STRN3: variants seen among roughly 807,000 people sequenced by gnomAD.
The protein encoded by STRN3 is striatin 3.
Under a neutral mutation model 95.6 loss-of-function variants are expected in STRN3, and 29 were observed. The observed-to-expected ratio is 0.30, with a 90% CI of 0.23 to 0.41. STRN3 has a LOEUF of 0.41. STRN3 is among the 10% of genes least tolerant of loss of function. STRN3 has a pLI of 1.00. For missense variants in STRN3, 890 were observed against 972.1 expected, an observed-to-expected ratio of 0.92 and a Z score of 1.12; for synonymous variants, 331 against 357.6, an observed-to-expected ratio of 0.93 and a Z score of 0.84.
chr14:31,009,517 G>C (rs1882870411), intron 1 of STRN3, among the ~76,000 whole-genome samples: 1 of 146,870 alleles, frequency 6.8e-6, no homozygotes, highest in South Asian at 2.1e-4. Flanking sequence ...TTTTGCATTT[G>C]TACGGAAAAA....
rs546715972 is a variant in STRN3, at chr14:30,945,392, C to T, written c.716+1698G>A. On this transcript the variant is annotated intron_variant, in intron 5 of 17. Coordinates refer to ENST00000357479, the MANE Select transcript of STRN3 (RefSeq NM_001083893.2). ...CAGCACTTTGGAAGGCCAATGAGGG[C>T]GGACTGCTTGAGCCCAGGAGTTCAA... is the stretch of plus-strand genomic sequence containing the variant. Among the ~76,000 whole-genome samples the T allele has an allele frequency of 3.3e-5, 5 of 152,176 alleles. No individual in the cohort carries two copies. In the East Asian group the frequency reaches 7.7e-4, roughly 23 times the overall value.
intron 8 of STRN3, among the ~76,000 whole-genome samples, chr14:30,921,004 G>T (rs960256197): frequency 6.6e-6 from 1 of 151,458 alleles, no homozygotes; most frequent in Non-Finnish European, 1.5e-5. Context: ...GGTTACTTCT[G>T]CAGTATTTTG....
chr14:30,911,906 G>C, intron 11 of STRN3, 82 bp from the exon 12 acceptor site: 1 of 1,555,414 alleles, frequency 6.4e-7, no homozygotes, highest in South Asian at 1.2e-5. Context: ...ATAGTCATTA[G>C]ATCAAATGTG....
chr14:30,934,110 T>C (rs557698069), intron 7 of STRN3, among the ~76,000 whole-genome samples: 3 of 152,210 alleles, frequency 2.0e-5, no homozygotes, highest in East Asian at 3.9e-4. Flanking sequence ...CGGATCGCGA[T>C]GTCAAGAGAT....
At chr14:30,951,989 A>G (rs1367655073) in intron 3 of STRN3, among the ~76,000 whole-genome samples, 2 of 152,132 alleles carry the variant, frequency 1.3e-5, no homozygotes, top group Non-Finnish European at 2.9e-5. Context: ...ATGGCGGCAC[A>G]TGCCTGTAAT....
At chr14:31,017,724 C>T (rs1340392230) in intron 1 of STRN3, among the ~76,000 whole-genome samples, 1 of 152,056 alleles carries the variant, frequency 6.6e-6, no homozygotes, top group East Asian at 1.9e-4. Flanking sequence ...CTAAATTTTG[C>T]TGTGAACCTA....
rs764019492 is a variant in STRN3, at chr14:30,895,627, A to G, written c.2224+35T>C. On this transcript the variant is annotated intron_variant, in intron 17 of 17. Transcript: ENST00000357479. ...TTGTTACTGAGTAACAATCTTTTAT[A>G]AAGTTTGTGGGCAGTACAGGACTTT... 5.0e-6 allele frequency: 8 copies of G among 1,610,788 alleles called. No individual in the cohort carries two copies. In the South Asian group the frequency reaches 8.8e-5, roughly 18 times the overall value.
At position 30,935,254 on chromosome 14, in the gene STRN3, C is replaced by T. The variant is rs1878762074; in HGVS notation, c.897G>A (p.Glu299=). 1 of 1,613,966 alleles carries T rather than the reference C, an allele frequency of 6.2e-7. No homozygotes were observed. Among genetic ancestry groups the T allele is most frequent in the South Asian group, 1.1e-5 (1 of 91,092 alleles). Residue 299 remains glutamate, a synonymous_variant, in exon 7 of 18, where the codon GAG becomes GAA. Coordinates refer to ENST00000357479, the MANE Select transcript of STRN3 (RefSeq NM_001083893.2). ...AAAAATCAAATTCTTTCAGTGCTTC[C>T]TCAGTATCAGGATCGTCAGTTAGGT... The part of the protein sequence containing the change: ...AADLTDDPDT[E]EALKEFDFLV...
At position 30,905,502 on chromosome 14, in the gene STRN3, T is replaced by A. The variant is rs772451343; in HGVS notation, c.1945A>T (p.Thr649Ser). 5 of 1,610,172 alleles carry A rather than the reference T, an allele frequency of 3.1e-6. No homozygotes were observed. In the South Asian group the frequency reaches 5.6e-5, roughly 18 times the overall value. ...FIGCDPAHMV[T>S]SFNTGSAVIY... is the part of the protein sequence containing the mutation. ...ACTGCACTACCAGTGTTGAAAGAGGTTACCATATGAGCTGGATCACAGCCT... is the reference window on the plus strand; with the variant it reads ...ACTGCACTACCAGTGTTGAAAGAGGATACCATATGAGCTGGATCACAGCCT... Residue 649 changes from threonine (T) to serine (S), a missense_variant, in exon 15 of 18, where the codon ACC (threonine) becomes TCC (serine). Physicochemically the swap from Thr to Ser is moderately conservative, Grantham distance 58. This residue lies in a region of STRN3 where 357 missense variants were observed against 422.8 expected (regional missense o/e 0.84). Transcript: ENST00000357479.
chr14:30,895,260 A>G lies in STRN3; in HGVS notation c.*151T>C. On this transcript the variant is annotated 3_prime_UTR_variant, in exon 18 of 18. Transcript: ENST00000357479. Reference sequence around the variant, plus strand: ...CAGTTAACTTAATGAGCTTGACATTAAGATGTGATTTCCACCAATTTGTGC... The same window carrying G: ...CAGTTAACTTAATGAGCTTGACATTGAGATGTGATTTCCACCAATTTGTGC... 1 of 764,728 alleles carries G rather than the reference A, an allele frequency of 1.3e-6. No homozygotes were observed. Among genetic ancestry groups the G allele is most frequent in the Non-Finnish European group, 2.0e-6 (1 of 495,164 alleles). The allele number at this position is 764,728 out of a possible 1,614,324, so 47.4% of individuals were successfully genotyped here. A position where few individuals can be genotyped will look rare whatever the true frequency, so the allele number is the denominator to read the frequency against.
intron 7 of STRN3, among the ~76,000 whole-genome samples, chr14:30,933,398 ATATACT>A (rs1185578546): frequency 6.6e-6 from 1 of 151,558 alleles, no homozygotes; most frequent in Non-Finnish European, 1.5e-5. Flanking sequence ...ATATATATAC[ATATACT>A]TATAAAATAT....
chr14:30,957,649 T>G (rs1397922960), intron 1 of STRN3, among the ~76,000 whole-genome samples: 1 of 152,184 alleles, frequency 6.6e-6, no homozygotes, highest in Non-Finnish European at 1.5e-5. Flanking sequence ...ATTTTTTTCC[T>G]TAAGTGCCTT....
At chr14:30,965,762 C>T (rs979283198) in intron 1 of STRN3, among the ~76,000 whole-genome samples, 7 of 100,872 alleles carry the variant, frequency 6.9e-5, no homozygotes, top group Admixed American at 4.4e-4. Context: ...AAGTGAAACT[C>T]CATCTCAAAA....
In STRN3 at chr14:30,936,523, T is replaced by A. The variant is rs1878826877; in HGVS notation, c.818A>T (p.Lys273Ile). Residue 273 changes from lysine to isoleucine, a missense_variant, in exon 6 of 18, where the codon AAA (lysine) becomes ATA (isoleucine). Lys to Ile is a moderately radical substitution (Grantham distance 102). This residue lies in a region of STRN3 where 526 missense variants were observed against 526.3 expected (regional missense o/e 1.00). Transcript: ENST00000357479. ...NDMIEGIPEG[K>I]DKHRMNKHKI... ...ATGTTTATTCATCCGATGTTTGTCT[T>A]TTCCTTCTGGGATGCCTTCGATCAT... 1 of 1,613,410 alleles carries A rather than the reference T, an allele frequency of 6.2e-7. No individual in the cohort carries two copies. Among genetic ancestry groups the A allele is most frequent in the Non-Finnish European group, 8.5e-7 (1 of 1,179,802 alleles).
intron 1 of STRN3, among the ~76,000 whole-genome samples, chr14:30,981,576 T>TCACACA (rs34644271): frequency 0.03 from 4,386 of 145,358 alleles, 138 homozygotes; most frequent in African/African-American, 0.078. Context: ...AGCTTAGAAT[T>TCACACA]CACACACACA....
chr14:30,895,402 TTTG>T lies in STRN3; in HGVS notation c.*6_*8del. 1 of 1,589,406 alleles carries T rather than the reference TTTG, an allele frequency of 6.3e-7. No homozygotes were observed. The highest frequency in any genetic ancestry group is 2.2e-5 in the East Asian group (1 of 44,462). ...AGCAAATCTTGTTACGATGCAAGTT[TTTG>T]TTGATTCATACAAATACTTTGGCAA... is the stretch of plus-strand genomic sequence containing the variant. On this transcript the variant is annotated 3_prime_UTR_variant, in exon 18 of 18. Coordinates refer to ENST00000357479, the MANE Select transcript of STRN3 (RefSeq NM_001083893.2).
intron 1 of STRN3, among the ~76,000 whole-genome samples, chr14:30,958,674 T>A (rs2139152844): frequency 6.6e-6 from 1 of 152,330 alleles, no homozygotes; most frequent in Non-Finnish European, 1.5e-5. Context: ...GGAAACCTGT[T>A]TTATTATTCT....
chr14:30,895,821 A>G, intron 16 of STRN3, 73 bp from the exon 17 acceptor site: 1 of 1,291,574 alleles, frequency 7.7e-7, no homozygotes, highest in Non-Finnish European at 1.1e-6. Flanking sequence ...ACTACAATAT[A>G]GCATCAACAT....
chr14:30,961,957 C>T (rs1880229052), intron 1 of STRN3, among the ~76,000 whole-genome samples: 1 of 140,730 alleles, frequency 7.1e-6, no homozygotes, highest in Non-Finnish European at 1.6e-5. Flanking sequence ...AAGTTAACTG[C>T]AAAAGTGCCT....
Sources: allele counts gnomAD v4.1 joint callset (sites outside exome capture counted in the v4.1 genomes callset), GRCh38; gene constraint gnomAD v4.1.1; regional missense constraint gnomAD v4.1.1; transcripts MANE v1.5; gene names NCBI Gene and HGNC (gene_info 2026-07-23, HGNC 2026-07-21).